The following UBXN7 variants were observed in gnomAD, a reference collection of about 807,000 sequenced individuals.
The protein encoded by UBXN7 is UBX domain protein 7, also known as UBX domain-containing protein 7.
In UBXN7, 9 loss-of-function variants were observed where a neutral mutation model predicts 58.0. The ratio of observed to expected loss-of-function variants is 0.16; its 90% CI spans 0.09 to 0.27. The LOEUF (loss-of-function observed/expected upper bound fraction) is 0.27, where lower values mean the gene tolerates loss of function less well. UBXN7 is among the 10% of genes least tolerant of loss of function. The probability of loss-of-function intolerance (pLI) is 1.00; values close to 1 mark genes in which losing one functional copy is unlikely to be tolerated. For synonymous variants in UBXN7, 208 were observed against 205.0 expected, an observed-to-expected ratio of 1.01 and a Z score of -0.12; for missense variants, 328 against 599.6, an observed-to-expected ratio of 0.55 and a Z score of 4.73.
chr3:196,358,125 C>T (rs1371826073), intron 10 of UBXN7, among the ~76,000 whole-genome samples: 1 of 152,202 alleles, frequency 6.6e-6, no homozygotes, highest in Non-Finnish European at 1.5e-5. Context: ...CGCAGCGTCA[C>T]CATGATGAAC....
intron 2 of UBXN7, among the ~76,000 whole-genome samples, chr3:196,406,936 G>C (rs1730180999): frequency 6.6e-6 from 1 of 152,014 alleles, no homozygotes; most frequent in Non-Finnish European, 1.5e-5. Flanking sequence ...TTGTTTATTT[G>C]CTGCTGCCGT....
rs375735647 is a variant in UBXN7, at chr3:196,391,785, T to G, written c.468+28A>C. 41 of 1,529,642 alleles carry G rather than the reference T, an allele frequency of 2.7e-5. No individual in the cohort carries two copies. In the African/African-American group the frequency reaches 5.5e-4, roughly 21 times the overall value. 94.8% of individuals were successfully genotyped at this position (1,529,642 alleles called of 1,614,324 possible). On this transcript the variant is annotated intron_variant, in intron 5 of 10. Coordinates refer to ENST00000296328, the MANE Select transcript of UBXN7 (RefSeq NM_015562.2). Reference sequence around the variant, plus strand: ...ATTGAAAATGCAAAAGGATTCATAGTTAAGGCACTGACTCTCCAACAACTT... The same window carrying G: ...ATTGAAAATGCAAAAGGATTCATAGGTAAGGCACTGACTCTCCAACAACTT...
intron 7 of UBXN7, among the ~76,000 whole-genome samples, 180 bp from the exon 8 acceptor site, chr3:196,368,335 G>A (rs911159288): frequency 6.6e-6 from 1 of 152,042 alleles, no homozygotes; most frequent in Admixed American, 6.6e-5. Context: ...GAATCTTTCT[G>A]AACATTCTTA....
chr3:196,431,978 A>G, intron 1 of UBXN7: 2 of 467,006 alleles, frequency 4.3e-6, no homozygotes, highest in South Asian at 2.0e-5. Context: ...AAGGAGGAGG[A>G]GGAGGGCGGT....
chr3:196,427,372 C>T (rs918563979), intron 1 of UBXN7, among the ~76,000 whole-genome samples: 4 of 152,228 alleles, frequency 2.6e-5, no homozygotes, highest in African/African-American at 9.6e-5. Context: ...GGCTGGAGTG[C>T]AGTGGCTGGA....
intron 3 of UBXN7, 148 bp from the exon 4 acceptor site, chr3:196,393,767 C>G: frequency 1.6e-6 from 1 of 632,390 alleles, no homozygotes; most frequent in Non-Finnish European, 2.6e-6. Flanking sequence ...CCGTGCTAAT[C>G]TCTGTCTCGT....
chr3:196,417,677 CG>C (rs1352669189), intron 1 of UBXN7, among the ~76,000 whole-genome samples: 35 of 125,498 alleles, frequency 2.8e-4, no homozygotes, highest in African/African-American at 1.0e-3. Flanking sequence ...CCGAGGCAGA[CG>C]GACTGCTTGA....
chr3:196,407,695 T>G (rs1422113226), intron 1 of UBXN7, among the ~76,000 whole-genome samples: 1 of 152,048 alleles, frequency 6.6e-6, no homozygotes, highest in Non-Finnish European at 1.5e-5. Context: ...AAGTATATAT[T>G]TGGGAATAAG....
intron 3 of UBXN7, among the ~76,000 whole-genome samples, chr3:196,398,716 A>G (rs974156893): frequency 2.6e-5 from 4 of 151,552 alleles, no homozygotes; most frequent in African/African-American, 9.7e-5. Context: ...TCATGCCTTG[A>G]CCTCCCAGGC....
At chr3:196,418,729 A>T (rs1730583470) in intron 1 of UBXN7, among the ~76,000 whole-genome samples, 2 of 152,222 alleles carry the variant, frequency 1.3e-5, no homozygotes, top group African/African-American at 4.8e-5. Context: ...AGGTCTATAG[A>T]GCTAAACATT....
At chr3:196,383,186 A>G (rs1235471327) in intron 5 of UBXN7, among the ~76,000 whole-genome samples, 1 of 152,120 alleles carries the variant, frequency 6.6e-6, no homozygotes, top group Non-Finnish European at 1.5e-5. Context: ...CAGACTTTAA[A>G]CCAACAAAAA....
chr3:196,425,905 T>G, intron 1 of UBXN7, among the ~76,000 whole-genome samples: 1 of 152,200 alleles, frequency 6.6e-6, no homozygotes. Flanking sequence ...ATTCTCTCAC[T>G]GTATTCTAAT....
intron 8 of UBXN7, among the ~76,000 whole-genome samples, chr3:196,364,787 G>C (rs938547200): frequency 6.6e-6 from 1 of 150,998 alleles, no homozygotes; most frequent in Non-Finnish European, 1.5e-5. Context: ...ATCTCCACCT[G>C]CCAGGCTCAA....
intron 2 of UBXN7, among the ~76,000 whole-genome samples, chr3:196,406,270 C>A (rs1730157945): frequency 2.0e-5 from 3 of 151,954 alleles, no homozygotes; most frequent in Admixed American, 6.6e-5. Flanking sequence ...TGGGCTCAAG[C>A]CATCCTCCTG....
intron 5 of UBXN7, among the ~76,000 whole-genome samples, chr3:196,388,617 A>G (rs1295927859): frequency 6.6e-6 from 1 of 152,144 alleles, no homozygotes; most frequent in East Asian, 1.9e-4. Context: ...GGTTAGCATG[A>G]GCCAGAAAGA....
At chr3:196,386,326 T>C (rs1030076318) in intron 5 of UBXN7, among the ~76,000 whole-genome samples, 3 of 137,974 alleles carry the variant, frequency 2.2e-5, no homozygotes, top group Non-Finnish European at 4.5e-5. Flanking sequence ...TACTGTCCTA[T>C]GACCCTGCCA....
chr3:196,392,657 G>A (rs1560231654), intron 4 of UBXN7, among the ~76,000 whole-genome samples: 1 of 151,968 alleles, frequency 6.6e-6, no homozygotes, highest in Admixed American at 6.6e-5. Flanking sequence ...ACAAAACTTA[G>A]CCGGGTGTGG....
chr3:196,431,703 T>G, intron 1 of UBXN7: 1 of 406,066 alleles, frequency 2.5e-6, no homozygotes, highest in Non-Finnish European at 4.9e-6. Flanking sequence ...CCTCAAAGCC[T>G]CAGTCCCTGA....
intron 8 of UBXN7, 99 bp from the exon 9 acceptor site, chr3:196,362,786 T>C (rs1298996392): frequency 7.0e-7 from 1 of 1,428,296 alleles, no homozygotes; most frequent in East Asian, 2.3e-5. Context: ...TTCATTATTA[T>C]GTTCTGCTGA....
Sources: gnomAD v4.1 joint callset for allele counts (sites outside exome capture counted in the v4.1 genomes callset) on GRCh38, gnomAD v4.1.1 for gene constraint, MANE v1.5 for transcripts, NCBI Gene and HGNC (gene_info 2026-07-23, HGNC 2026-07-21) for gene names.